AGBL1: variants seen among roughly 807,000 people sequenced by gnomAD.
AGBL1 encodes cytosolic carboxypeptidase 4.
In AGBL1, 130 loss-of-function variants were observed where a neutral mutation model predicts 118.9. The ratio of observed to expected loss-of-function variants is 1.09; its 90% CI spans 0.95 to 1.26. AGBL1 has a LOEUF of 1.26. Ranked by LOEUF, AGBL1 falls within the 50% of genes most tolerant of loss-of-function variation. The pLI is 0.00. For synonymous variants in AGBL1, 555 were observed against 478.9 expected (o/e 1.16, Z -2.08); for missense variants, 1,584 against 1,298.1 (o/e 1.22, Z -3.38).
At chr15:86,361,594 C>A (rs529491607) in intron 17 of AGBL1, among the ~76,000 whole-genome samples, 2 of 152,088 alleles carry the variant, frequency 1.3e-5, no homozygotes, top group African/African-American at 4.8e-5. Flanking sequence ...TTATTTAGAT[C>A]TGTCAATGTT....
intron 21 of AGBL1, among the ~76,000 whole-genome samples, chr15:86,643,387 A>T (rs1167509899): frequency 1.3e-5 from 2 of 152,084 alleles, no homozygotes; most frequent in African/African-American, 2.4e-5. Flanking sequence ...TTCTACTTGC[A>T]ATTCTCCTAT....
At chr15:86,898,187 G>A (rs1200092590) in intron 22 of AGBL1, among the ~76,000 whole-genome samples, 1 of 152,060 alleles carries the variant, frequency 6.6e-6, no homozygotes, top group Non-Finnish European at 1.5e-5. Flanking sequence ...CACATTTTTG[G>A]GAAATTTAGT....
intron 5 of AGBL1, among the ~76,000 whole-genome samples, chr15:86,177,645 T>C (rs1445176558): frequency 1.3e-5 from 2 of 152,166 alleles, no homozygotes; most frequent in Non-Finnish European, 2.9e-5. Context: ...AAGGTTTCTG[T>C]AAGAGTCCCC....
intron 5 of AGBL1, among the ~76,000 whole-genome samples, chr15:86,221,026 C>A (rs1464458728): frequency 6.6e-6 from 1 of 151,930 alleles, no homozygotes; most frequent in Non-Finnish European, 1.5e-5. Context: ...ATGGTGAAAC[C>A]CCGTCTCTAC....
intron 3 of AGBL1, among the ~76,000 whole-genome samples, chr15:86,150,419 C>A (rs1597460702): frequency 6.6e-6 from 1 of 152,118 alleles, no homozygotes; most frequent in Non-Finnish European, 1.5e-5. Flanking sequence ...CAAATAGATG[C>A]AATAAAAAGT....
At chr15:86,761,111 A>G (rs557656796) in intron 22 of AGBL1, among the ~76,000 whole-genome samples, 8 of 152,130 alleles carry the variant, frequency 5.3e-5, no homozygotes, top group Non-Finnish European at 7.4e-5. Context: ...TTAGACAAGT[A>G]CCCCAGGTTT....
intron 23 of AGBL1, chr15:86,939,652 C>G (rs1342133791): frequency 1.3e-5 from 2 of 152,210 alleles, no homozygotes; most frequent in African/African-American, 4.8e-5. Context: ...AATAACTTAC[C>G]TCTCTCCTCA....
In AGBL1 at chr15:86,754,021, A is replaced by G. The variant is rs75510270; in HGVS notation, c.3158+79585A>G. Among the ~76,000 whole-genome samples, 89 of 152,244 alleles carry G rather than the reference A, an allele frequency of 5.8e-4. 1 individual carries two copies. In the East Asian group the frequency reaches 0.015, roughly 25 times the overall value. On this transcript the variant is annotated intron_variant, in intron 22 of 22. Coordinates refer to ENST00000614907, the MANE Select transcript of AGBL1 (RefSeq NM_001386094.1). ...CAATTGTTCCACAGAAAAGAAACCTAAATCAGGAAACTTGAGTCAAAGACT... is the reference window on the plus strand; with the variant it reads ...CAATTGTTCCACAGAAAAGAAACCTGAATCAGGAAACTTGAGTCAAAGACT...
At chr15:86,119,655 TTGTGTGTGTGTGTGTG>T (rs59997626) in intron 1 of AGBL1, among the ~76,000 whole-genome samples, 5 of 148,584 alleles carry the variant, frequency 3.4e-5, no homozygotes, top group African/African-American at 2.5e-5. Flanking sequence ...GAAAAGTAGT[TTGTGTGTGTGTGTGTG>T]TGTGTGTGTG....
At chr15:86,607,781 A>T (rs1417188125) in intron 21 of AGBL1, among the ~76,000 whole-genome samples, 1 of 152,066 alleles carries the variant, frequency 6.6e-6, no homozygotes, top group Non-Finnish European at 1.5e-5. Context: ...GTTGAGTTTT[A>T]AGATGTGCTT....
At chr15:86,706,275 A>C (rs912307924) in intron 22 of AGBL1, among the ~76,000 whole-genome samples, 4 of 152,036 alleles carry the variant, frequency 2.6e-5, no homozygotes, top group Admixed American at 6.6e-5. Flanking sequence ...AATATTTTGA[A>C]AAATCCCAAG....
intron 9 of AGBL1, 118 bp downstream of exon 9, chr15:86,258,149 C>A: frequency 1.0e-6 from 1 of 965,502 alleles, no homozygotes; most frequent in Non-Finnish European, 1.6e-6. Context: ...TTTAGTACTG[C>A]CACTCCAGTG....
chr15:86,118,296 A>G (rs1182835329), intron 1 of AGBL1, among the ~76,000 whole-genome samples: 1 of 152,186 alleles, frequency 6.6e-6, no homozygotes, highest in Non-Finnish European at 1.5e-5. Flanking sequence ...TGAGAATAAA[A>G]TTATTAAAAG....
intron 4 of AGBL1, among the ~76,000 whole-genome samples, chr15:86,157,838 G>C (rs748481910): frequency 6.6e-6 from 1 of 152,188 alleles, no homozygotes; most frequent in Non-Finnish European, 1.5e-5. Flanking sequence ...TGTTCACAGA[G>C]CTGCCGGAGC....
chr15:86,663,712 G>T (rs1222296484), intron 21 of AGBL1, among the ~76,000 whole-genome samples: 2 of 152,130 alleles, frequency 1.3e-5, no homozygotes, highest in Non-Finnish European at 2.9e-5. Context: ...CTCCAGATCT[G>T]CAAAAGCTCT....
chr15:86,653,956 T>C (rs894941015), intron 21 of AGBL1, among the ~76,000 whole-genome samples: 43 of 152,076 alleles, frequency 2.8e-4, no homozygotes, highest in African/African-American at 1.0e-3. Context: ...TGAAAGCAGA[T>C]TAGAGCAGAA....
intron 17 of AGBL1, among the ~76,000 whole-genome samples, chr15:86,333,629 A>G (rs549475284): frequency 1.3e-5 from 2 of 152,312 alleles, no homozygotes; most frequent in African/African-American, 2.4e-5. Context: ...TCTCAATTCT[A>G]CTGAAACTAT....
At chr15:86,748,918 T>C (rs566926971) in intron 22 of AGBL1, among the ~76,000 whole-genome samples, 1 of 152,230 alleles carries the variant, frequency 6.6e-6, no homozygotes, top group African/African-American at 2.4e-5. Context: ...TGTAGCCTTG[T>C]AGTATAGTTT....
intron 22 of AGBL1, among the ~76,000 whole-genome samples, chr15:86,809,326 G>A (rs1391501171): frequency 6.6e-6 from 1 of 152,020 alleles, no homozygotes; most frequent in Admixed American, 6.6e-5. Flanking sequence ...GGTTAGGAAA[G>A]TCTTACTTTG....
Sources: allele counts gnomAD v4.1 joint callset (sites outside exome capture counted in the v4.1 genomes callset), GRCh38; gene constraint gnomAD v4.1.1; transcripts MANE v1.5; gene names NCBI Gene and HGNC (gene_info 2026-07-23, HGNC 2026-07-21).